The following PTPN13 variants were observed in gnomAD, a reference collection of about 807,000 sequenced individuals.
PTPN13 encodes tyrosine-protein phosphatase non-receptor type 13.
In PTPN13, 191 loss-of-function variants were observed where a neutral mutation model predicts 284.0. That is an observed-to-expected ratio of 0.67 (90% CI 0.60 to 0.76). The LOEUF (loss-of-function observed/expected upper bound fraction) is 0.76, where lower values mean the gene tolerates loss of function less well. Among genes scored for constraint, PTPN13 ranks in the 30% least tolerant of loss-of-function variants. The probability of loss-of-function intolerance (pLI) is 0.00; values close to 1 mark genes in which losing one functional copy is unlikely to be tolerated. For synonymous variants in PTPN13, 986 were observed against 1,022.3 expected (o/e 0.96, Z 0.68); for missense variants, 2,797 against 2,939.9 (o/e 0.95, Z 1.12).
At chr4:86,783,938 G>T (rs1233640474) in intron 37 of PTPN13, among the ~76,000 whole-genome samples, 1 of 151,698 alleles carries the variant, frequency 6.6e-6, no homozygotes, top group Non-Finnish European at 1.5e-5. Context: ...ACTTAGACTA[G>T]ATTTGAAAAT....
chr4:86,721,145 A>G (rs570393727), intron 9 of PTPN13, among the ~76,000 whole-genome samples: 3 of 152,110 alleles, frequency 2.0e-5, no homozygotes, highest in African/African-American at 7.2e-5. Context: ...ATTTGGAGAG[A>G]TAACAATGAT....
intron 5 of PTPN13, among the ~76,000 whole-genome samples, chr4:86,691,650 CT>C (rs1730038531): frequency 6.6e-6 from 1 of 152,144 alleles, no homozygotes; most frequent in East Asian, 1.9e-4. Flanking sequence ...AATAGAGATA[CT>C]TTTATCCTCA....
chr4:86,770,082 T>C lies in PTPN13; in HGVS notation c.4705-19T>C. On this transcript the variant is annotated intron_variant, in intron 29 of 47. Coordinates refer to ENST00000411767, the MANE Select transcript of PTPN13 (RefSeq NM_080683.3). ...GCTGGTTTAACTGTACCTTCATTTG[T>C]CATTCATGGTACCCCCAGGAAGTCA... The C allele has an allele frequency of 6.2e-7, 1 of 1,612,130 alleles. No homozygotes were observed. Among genetic ancestry groups the C allele is most frequent in the East Asian group, 2.2e-5 (1 of 44,862 alleles).
intron 2 of PTPN13, among the ~76,000 whole-genome samples, chr4:86,660,220 G>C (rs968405313): frequency 4.6e-5 from 7 of 152,124 alleles, no homozygotes; most frequent in Non-Finnish European, 2.9e-5. Context: ...TATGAGAATA[G>C]CAATAATTTG....
intron 35 of PTPN13, among the ~76,000 whole-genome samples, chr4:86,776,093 C>A (rs560825014): frequency 6.6e-6 from 1 of 152,188 alleles, no homozygotes; most frequent in Non-Finnish European, 1.5e-5. Context: ...TTACAGGCAC[C>A]CGCCACCACG....
chr4:86,649,982 C>G (rs1724889626), intron 2 of PTPN13, among the ~76,000 whole-genome samples: 1 of 152,026 alleles, frequency 6.6e-6, no homozygotes. Flanking sequence ...ATTTTCATCA[C>G]TGTTTTGTTT....
At chr4:86,597,639 C>T (rs1317429374) in intron 1 of PTPN13, among the ~76,000 whole-genome samples, 1 of 152,172 alleles carries the variant, frequency 6.6e-6, no homozygotes, top group Non-Finnish European at 1.5e-5. Flanking sequence ...CTTTAAGACC[C>T]TTATTCTTGT....
chr4:86,615,420 T>C (rs1399391358), intron 1 of PTPN13, among the ~76,000 whole-genome samples: 1 of 152,150 alleles, frequency 6.6e-6, no homozygotes, highest in Non-Finnish European at 1.5e-5. Flanking sequence ...AATATTTGTG[T>C]GTTAATTCTG....
At chr4:86,618,468 T>G (rs1428802985) in intron 1 of PTPN13, among the ~76,000 whole-genome samples, 1 of 152,176 alleles carries the variant, frequency 6.6e-6, no homozygotes, top group Non-Finnish European at 1.5e-5. Context: ...GTGAAGAAAG[T>G]CATTGGTAGC....
chr4:86,661,814 ATAGGTGTTTC>A (rs1726521592), intron 2 of PTPN13, among the ~76,000 whole-genome samples: 1 of 152,208 alleles, frequency 6.6e-6, no homozygotes, highest in South Asian at 2.1e-4. Flanking sequence ...CTTTGATATT[ATAGGTGTTTC>A]TGTCTTTGTG....
chr4:86,655,996 C>A (rs1328512598), intron 2 of PTPN13, among the ~76,000 whole-genome samples: 1 of 152,090 alleles, frequency 6.6e-6, no homozygotes, highest in African/African-American at 2.4e-5. Flanking sequence ...TTTATTTGAT[C>A]TTCAGTCACT....
chr4:86,693,711 C>T (rs1429592709), intron 6 of PTPN13, 37 bp downstream of exon 6: 4 of 1,400,756 alleles, frequency 2.9e-6, no homozygotes, highest in Non-Finnish European at 3.9e-6. Flanking sequence ...TAGGCTTTAA[C>T]CTTATCCCAT....
chr4:86,802,608 T>C (rs568380386), intron 42 of PTPN13, among the ~76,000 whole-genome samples: 7 of 152,192 alleles, frequency 4.6e-5, no homozygotes, highest in Non-Finnish European at 1.0e-4. Flanking sequence ...TAGGGCTGAC[T>C]TTCCTGTGTT....
At chr4:86,697,863 A>G (rs1359252695) in intron 6 of PTPN13, among the ~76,000 whole-genome samples, 3 of 150,920 alleles carry the variant, frequency 2.0e-5, no homozygotes, top group Admixed American at 6.6e-5. Context: ...TATAACAAAA[A>G]TAGTTAAAAC....
chr4:86,619,364 G>T (rs1018537396), intron 1 of PTPN13, among the ~76,000 whole-genome samples: 2 of 152,124 alleles, frequency 1.3e-5, no homozygotes, highest in African/African-American at 2.4e-5. Flanking sequence ...TTTGGACATT[G>T]TCAAAAATTC....
At chr4:86,720,816 T>C (rs898014255) in intron 9 of PTPN13, among the ~76,000 whole-genome samples, 11 of 152,272 alleles carry the variant, frequency 7.2e-5, no homozygotes, top group African/African-American at 2.6e-4. Flanking sequence ...GCTATTGATT[T>C]GTACCATAGT....
At chr4:86,660,745 G>A (rs1174623108) in intron 2 of PTPN13, among the ~76,000 whole-genome samples, 2 of 152,026 alleles carry the variant, frequency 1.3e-5, no homozygotes, top group African/African-American at 4.8e-5. Context: ...AATAATGTAG[G>A]TTATTTGATA....
At position 86,765,500 on chromosome 4, in the gene PTPN13, A is replaced by G; in HGVS notation, c.4243+12A>G. The G allele has an allele frequency of 6.5e-7, 1 of 1,534,124 alleles. No individual in the cohort carries two copies. Among genetic ancestry groups the G allele is most frequent in the Non-Finnish European group, 8.9e-7 (1 of 1,129,404 alleles). ...TAGAATTCACAAAGGTATAGTGTTT[A>G]TATTATGTGGGAATTATATGTATGA... On this transcript the variant is annotated intron_variant, in intron 26 of 47. Coordinates refer to ENST00000411767, the MANE Select transcript of PTPN13 (RefSeq NM_080683.3).
At chr4:86,781,989 C>G (rs10013988) in intron 36 of PTPN13, among the ~76,000 whole-genome samples, 12,553 of 151,498 alleles carry the variant, frequency 0.083, 660 homozygotes, top group Non-Finnish European at 0.11. Flanking sequence ...AAGAAATTAG[C>G]TTTTTCCTTG....
Sources: gnomAD v4.1 joint callset for allele counts (sites outside exome capture counted in the v4.1 genomes callset) on GRCh38, gnomAD v4.1.1 for gene constraint, MANE v1.5 for transcripts, NCBI Gene and HGNC (gene_info 2026-07-23, HGNC 2026-07-21) for gene names.